RNGTT: variants seen among roughly 807,000 people sequenced by gnomAD.
RNGTT encodes the protein RNA guanylyltransferase and 5'-phosphatase, also known as mRNA-capping enzyme.
RNGTT carries 33 observed loss-of-function variants against 79.3 expected under a neutral mutation model. The ratio of observed to expected loss-of-function variants is 0.42; its 90% confidence interval spans 0.32 to 0.56. The LOEUF (loss-of-function observed/expected upper bound fraction) is 0.56, where lower values mean the gene tolerates loss of function less well. Among genes scored for constraint, RNGTT ranks in the 20% least tolerant of loss-of-function variants. RNGTT has a pLI of 0.17. For synonymous variants in RNGTT, 222 were observed against 235.9 expected (o/e 0.94, Z 0.54); for missense variants, 497 against 739.1 (o/e 0.67, Z 3.80).
At chr6:88,724,911 C>A (rs1776836235) in intron 13 of RNGTT, among the ~76,000 whole-genome samples, 1 of 152,258 alleles carries the variant, frequency 6.6e-6, no homozygotes, top group South Asian at 2.1e-4. Context: ...TGCCATCTAA[C>A]CCTAACCAAT....
At chr6:88,926,392 G>C (rs372282168) in intron 4 of RNGTT, among the ~76,000 whole-genome samples, 1 of 151,884 alleles carries the variant, frequency 6.6e-6, no homozygotes, top group Non-Finnish European at 1.5e-5. Flanking sequence ...TTCTGTGCTC[G>C]GTAATATTCA....
intron 4 of RNGTT, among the ~76,000 whole-genome samples, chr6:88,916,624 G>A (rs1346418693): frequency 6.6e-6 from 1 of 152,062 alleles, no homozygotes; most frequent in Non-Finnish European, 1.5e-5. Context: ...AAATATTTGT[G>A]TTCATCAATA....
At chr6:88,664,985 G>A (rs1582299560) in intron 14 of RNGTT, among the ~76,000 whole-genome samples, 1 of 152,154 alleles carries the variant, frequency 6.6e-6, no homozygotes, top group Non-Finnish European at 1.5e-5. Flanking sequence ...CTGCTCGGTG[G>A]GGGGACATGA....
intron 6 of RNGTT, among the ~76,000 whole-genome samples, chr6:88,902,795 A>G (rs935245219): frequency 8.3e-5 from 12 of 145,322 alleles, no homozygotes; most frequent in Middle Eastern, 3.7e-3. Flanking sequence ...TCTGGGGTTC[A>G]AGCCATTCTC....
At chr6:88,715,216 T>TTTA (rs1776466123) in intron 13 of RNGTT, among the ~76,000 whole-genome samples, 1 of 152,114 alleles carries the variant, frequency 6.6e-6, no homozygotes, top group African/African-American at 2.4e-5. Context: ...CCATTCACAA[T>TTTA]TGCTTCAAAA....
In RNGTT at chr6:88,755,933, C is replaced by G. The variant is rs140252046; in HGVS notation, c.1439+13841G>C. Among the ~76,000 whole-genome samples, 660 of 132,574 alleles carry G rather than the reference C, an allele frequency of 5.0e-3. 3 individuals are homozygous for G. Among genetic ancestry groups the G allele is most frequent in the African/African-American group, 0.018 (610 of 34,294 alleles). 87.0% of individuals were successfully genotyped at this position (132,574 alleles called of 152,430 possible). A position where few individuals can be genotyped will look rare whatever the true frequency, so the allele number is the denominator to read the frequency against. ...CAAGATTACACCACTGCACTCCAGC[C>G]TGGCCAACAGAGTGAGACTCCGTCT... is the stretch of plus-strand genomic sequence containing the variant. On this transcript the variant is annotated intron_variant, in intron 13 of 15. Coordinates refer to ENST00000369485, the MANE Select transcript of RNGTT (RefSeq NM_003800.5).
chr6:88,882,525 T>C (rs536537761), intron 8 of RNGTT, among the ~76,000 whole-genome samples: 1 of 152,102 alleles, frequency 6.6e-6, no homozygotes, highest in East Asian at 1.9e-4. Context: ...CAAGAAATAA[T>C]TTTCAAAGCT....
chr6:88,931,736 G>A (rs919676214), intron 2 of RNGTT, among the ~76,000 whole-genome samples: 8 of 152,098 alleles, frequency 5.3e-5, no homozygotes, highest in South Asian at 2.1e-4. Flanking sequence ...CCATTGTTGC[G>A]GGAAGTCAGG....
intron 13 of RNGTT, among the ~76,000 whole-genome samples, chr6:88,762,977 G>GC (rs1416218629): frequency 1.3e-5 from 2 of 151,874 alleles, no homozygotes; most frequent in African/African-American, 4.8e-5. Context: ...AGGCTGGAGT[G>GC]CAGTGGCCCC....
intron 12 of RNGTT, among the ~76,000 whole-genome samples, chr6:88,779,849 TA>T (rs1360396441): frequency 1.3e-5 from 2 of 152,036 alleles, no homozygotes; most frequent in African/African-American, 4.8e-5. Flanking sequence ...AAAAATTAGC[TA>T]GGCATGGTGG....
At chr6:88,863,879 A>G (rs991934248) in intron 8 of RNGTT, among the ~76,000 whole-genome samples, 18 of 152,176 alleles carry the variant, frequency 1.2e-4, no homozygotes, top group Non-Finnish European at 1.8e-4. Flanking sequence ...TCCAGACTCA[A>G]TAGTGCTTGC....
At chr6:88,687,136 A>G (rs1775308238) in intron 13 of RNGTT, among the ~76,000 whole-genome samples, 1 of 152,198 alleles carries the variant, frequency 6.6e-6, no homozygotes, top group South Asian at 2.1e-4. Flanking sequence ...AAAACACATT[A>G]AAAAGATAAT....
chr6:88,665,115 C>T (rs1473070436), intron 14 of RNGTT, among the ~76,000 whole-genome samples: 5 of 152,138 alleles, frequency 3.3e-5, no homozygotes, highest in Non-Finnish European at 5.9e-5. Context: ...ACTGAAGTTG[C>T]CTGGAACAGG....
chr6:88,815,809 C>T (rs974843073), intron 11 of RNGTT, among the ~76,000 whole-genome samples: 3 of 152,144 alleles, frequency 2.0e-5, no homozygotes, highest in East Asian at 1.9e-4. Context: ...TTGATGTCTC[C>T]GGATGAGGAC....
chr6:88,875,355 AG>A, intron 8 of RNGTT, among the ~76,000 whole-genome samples: 1 of 152,156 alleles, frequency 6.6e-6, no homozygotes, highest in South Asian at 2.1e-4. Context: ...GATTATCCCA[AG>A]GGGTGGGATA....
intron 11 of RNGTT, among the ~76,000 whole-genome samples, chr6:88,842,968 G>A (rs1217100030): frequency 1.3e-5 from 2 of 152,056 alleles, no homozygotes; most frequent in East Asian, 3.9e-4. Flanking sequence ...CCAGCTACTC[G>A]GTAGGCTGAG....
chr6:88,726,439 T>C (rs1430021381), intron 13 of RNGTT, among the ~76,000 whole-genome samples: 1 of 147,710 alleles, frequency 6.8e-6, no homozygotes, highest in African/African-American at 2.5e-5. Flanking sequence ...TTAAGAACTT[T>C]AAAGTATAAG....
chr6:88,795,343 T>G (rs926620964), intron 12 of RNGTT, among the ~76,000 whole-genome samples: 1 of 152,220 alleles, frequency 6.6e-6, no homozygotes, highest in Admixed American at 6.5e-5. Context: ...ATCTACAAAC[T>G]CAGTAGCATT....
intron 13 of RNGTT, among the ~76,000 whole-genome samples, chr6:88,731,513 T>G (rs962408649): frequency 1.3e-5 from 2 of 152,122 alleles, no homozygotes; most frequent in Admixed American, 6.5e-5. Context: ...AATGGATAGA[T>G]AGTATGCAAG....
Sources: gnomAD v4.1 joint callset for allele counts (sites outside exome capture counted in the v4.1 genomes callset) on GRCh38, gnomAD v4.1.1 for gene constraint, MANE v1.5 for transcripts, NCBI Gene and HGNC (gene_info 2026-07-23, HGNC 2026-07-21) for gene names.